The following PMEL variants were observed in gnomAD, a reference collection of about 807,000 sequenced individuals.
The protein encoded by PMEL is melanocyte protein PMEL.
In PMEL, 53 loss-of-function variants were observed where a neutral mutation model predicts 64.9. The observed-to-expected ratio is 0.82, with a 90% CI of 0.66 to 1.03. The LOEUF is 1.03. Among genes scored for constraint, PMEL ranks in the 50% least tolerant of loss-of-function variants. The probability of loss-of-function intolerance (pLI) is 0.00; values close to 1 mark genes in which losing one functional copy is unlikely to be tolerated. For synonymous variants in PMEL, 299 were observed against 316.2 expected (o/e 0.95, Z 0.58); for missense variants, 716 against 814.9 (o/e 0.88, Z 1.48).
At chr12:55,962,403 AT>A (rs1254465295) in intron 1 of PMEL, among the ~76,000 whole-genome samples, 1 of 126,322 alleles carries the variant, frequency 7.9e-6, no homozygotes, top group Non-Finnish European at 1.6e-5. Flanking sequence ...AGATTCTGAG[AT>A]TGCACCAGTG....
rs922635524 is a variant in PMEL at position 55,956,944 on chromosome 12, C to T, written c.1354+5G>A. ...CGTGAACCTCATTCGCACTGATACT[C>T]TTACCTGTAATACTTTCCGTAGACA... On this transcript the variant is annotated splice_donor_5th_base_variant and intron_variant, in intron 6 of 10. Transcript: ENST00000548747. The T allele has an allele frequency of 1.9e-6, 3 of 1,613,336 alleles. No homozygotes were observed. Among genetic ancestry groups the T allele is most frequent in the East Asian group, 4.5e-5 (2 of 44,890 alleles).
chr12:55,957,547 A>T lies in PMEL; in HGVS notation c.756T>A (p.Ala252=), dbSNP rs755792129. 6.2e-7 allele frequency: 1 copy of T among 1,613,118 alleles called. No individual in the cohort carries two copies. Among genetic ancestry groups the T allele is most frequent in the East Asian group, 2.2e-5 (1 of 44,846 alleles). Residue 252 remains alanine, a synonymous_variant, in exon 6 of 11, where the codon GCT becomes GCA. Transcript: ENST00000548747. Reference sequence around the variant, plus strand: ...CCCAGGTGTAGGAGAGGTCAGCTTCAGCCAGATAGCCACTGGGGTCATGGA... The same window carrying T: ...CCCAGGTGTAGGAGAGGTCAGCTTCTGCCAGATAGCCACTGGGGTCATGGA... ...LQLHDPSGYL[A]EADLSYTWDF... is the part of the protein sequence containing the mutation.
rs1170833059 is a variant in PMEL, at chr12:55,957,066, T to C, written c.1237A>G (p.Thr413Ala). The change falls in exon 6 of 11, where the codon ACC becomes GCC. Residue 413 changes from threonine (T) to alanine (A), a missense_variant. Coordinates refer to ENST00000548747, the MANE Select transcript of PMEL (RefSeq NM_001384361.1). ...GTAGTTGTTACCTGTGCAGCTGTGG[T>C]TCCAGAAAGCACCACAATTGATACC... ...AEVSIVVLSG[T>A]TAAQVTTTEW... The C allele has an allele frequency of 1.2e-6, 2 of 1,614,220 alleles. No individual in the cohort carries two copies. Among genetic ancestry groups the C allele is most frequent in the African/African-American group, 1.3e-5 (1 of 75,036 alleles).
chr12:55,963,775 A>T (rs1889187780), intron 1 of PMEL, among the ~76,000 whole-genome samples: 1 of 152,182 alleles, frequency 6.6e-6, no homozygotes, highest in South Asian at 2.1e-4. Flanking sequence ...GACACTAAAC[A>T]TCTAGGGAGA....
rs528855850 is a variant in PMEL at position 55,955,342 on chromosome 12, C to T, written c.1782G>A (p.Gly594=). 3 of 1,614,062 alleles carry T rather than the reference C, an allele frequency of 1.9e-6. No individual in the cohort carries two copies. The highest frequency in any genetic ancestry group is 2.7e-5 in the African/African-American group (2 of 74,918). Residue 594 remains glycine, a synonymous_variant, in exon 10 of 11, where the codon GGG becomes GGA. Transcript: ENST00000548747. ...LIMPGQEAGL[G]QVPLIVGILL... is the part of the protein sequence containing the mutation. ...AGATGCCCACGATCAGCGGAACCTG[C>T]CCAAGGCCTGCTTCTTGACCTGTGA...
chr12:55,964,198 G>A (rs1889204189), intron 1 of PMEL, among the ~76,000 whole-genome samples: 1 of 149,396 alleles, frequency 6.7e-6, no homozygotes, highest in African/African-American at 2.5e-5. Flanking sequence ...TGTTGCCCAG[G>A]CTGGAAGGCT....
chr12:55,966,605 C>T, upstream of PMEL: 1 of 887,088 alleles, frequency 1.1e-6, no homozygotes, highest in Non-Finnish European at 1.4e-6. Context: ...GGACCCAAAG[C>T]AGGTACTTGG....
chr12:55,956,793 G>A (rs955232725), intron 6 of PMEL, among the ~76,000 whole-genome samples, 156 bp downstream of exon 6: 1 of 152,180 alleles, frequency 6.6e-6, no homozygotes. Flanking sequence ...ATGTCATTAA[G>A]AGAGACTGGA....
Position 55,957,624 on chromosome 12 carries a change from C to T in PMEL, c.679G>A (p.Gly227Arg). ...TTTCTCAGGAAGTGCTTGTTCCCTC[C>T]ATCCAAGGCCCGCAACTGGGACACG... Reference protein sequence around the residue: ...VSVSQLRALDGGNKHFLRNQP... With the variant: ...VSVSQLRALDRGNKHFLRNQP... The change falls in exon 6 of 11, where the codon GGA (glycine) becomes AGA (arginine). Residue 227 changes from glycine to arginine, a missense_variant. Coordinates refer to ENST00000548747, the MANE Select transcript of PMEL (RefSeq NM_001384361.1). The T allele has an allele frequency of 6.2e-7, 1 of 1,613,136 alleles. No homozygotes were observed. Among genetic ancestry groups the T allele is most frequent in the African/African-American group, 1.3e-5 (1 of 74,792 alleles).
chr12:55,957,200 G>T lies in PMEL; in HGVS notation c.1103C>A (p.Thr368Asn). 1.2e-6 allele frequency: 2 copies of T among 1,614,212 alleles called. No homozygotes were observed. The highest frequency in any genetic ancestry group is 1.7e-6 in the Non-Finnish European group (2 of 1,180,026). The change falls in exon 6 of 11, where the codon ACT (threonine) becomes AAT (asparagine). Residue 368 changes from threonine to asparagine, a missense_variant. Physicochemically the swap from Thr to Asn is moderately conservative, Grantham distance 65 (BLOSUM62 0). Coordinates refer to ENST00000548747, the MANE Select transcript of PMEL (RefSeq NM_001384361.1). ...VISTAPVQMPTAESTGMTPEK... is the reference protein window; with the variant it reads ...VISTAPVQMPNAESTGMTPEK... ...AGGTGTCATACCTGTGCTCTCTGCAGTTGGCATCTGCACAGGTGCAGTGCT... is the reference window on the plus strand; with the variant it reads ...AGGTGTCATACCTGTGCTCTCTGCATTTGGCATCTGCACAGGTGCAGTGCT...
rs1365628859 is a variant in PMEL, at chr12:55,957,523, C to T, written c.780G>A (p.Trp260Ter). 2 of 1,613,908 alleles carry T rather than the reference C, an allele frequency of 1.2e-6. No homozygotes were observed. Among genetic ancestry groups the T allele is most frequent in the Non-Finnish European group, 1.7e-6 (2 of 1,179,998 alleles). The change falls in exon 6 of 11, where the codon TGG becomes TGA. Residue 260 changes from tryptophan to a stop codon, truncating the protein, a stop_gained. Coordinates refer to ENST00000548747, the MANE Select transcript of PMEL (RefSeq NM_001384361.1). LOFTEE classifies it high-confidence loss of function. ...YLAEADLSYT[W>*]DFGDSSGTLI... The stretch of plus-strand genomic sequence containing the variant: ...GGGTTCCACTACTGTCTCCAAAGTC[C>T]CAGGTGTAGGAGAGGTCAGCTTCAG...
intron 1 of PMEL, among the ~76,000 whole-genome samples, chr12:55,963,090 G>C (rs1412053764): frequency 1.1e-4 from 17 of 151,782 alleles, no homozygotes; most frequent in Non-Finnish European, 2.1e-4. Context: ...CCAGGAGGCG[G>C]AGGTGGCAGT....
chr12:55,957,167 AC>A lies in PMEL; in HGVS notation c.1135del (p.Val379CysfsTer22). On this transcript the variant is annotated frameshift_variant, in exon 6 of 11. Transcript: ENST00000548747. LOFTEE classifies it high-confidence loss of function. The stretch of plus-strand genomic sequence containing the variant: ...GGTACCCATGACCTCTGAAACTGGC[AC>A]CTTCTCAGGTGTCATACCTGTGCTC... ...AESTGMTPEKVPVSEVMGTTL... is the reference protein window; with the variant it reads ...AESTGMTPEKXPVSEVMGTTL... 1.9e-6 allele frequency: 3 copies of A among 1,614,172 alleles called. No individual in the cohort carries two copies. The highest frequency in any genetic ancestry group is 2.5e-6 in the Non-Finnish European group (3 of 1,180,022).
chr12:55,954,353 A>T lies in PMEL; in HGVS notation c.1851-4T>A, dbSNP rs1484844399. Reference sequence around the variant, plus strand: ...GTCTTGCTTCATAAGTCTGCGCCTGATATTGGGAGAAGGGGTAAACTGGTT... The same window carrying T: ...GTCTTGCTTCATAAGTCTGCGCCTGTTATTGGGAGAAGGGGTAAACTGGTT... On this transcript the variant is annotated splice_region_variant and splice_polypyrimidine_tract_variant and intron_variant, in intron 10 of 10. Coordinates refer to ENST00000548747, the MANE Select transcript of PMEL (RefSeq NM_001384361.1). 1 of 1,613,986 alleles carries T rather than the reference A, an allele frequency of 6.2e-7. No individual in the cohort carries two copies. Among genetic ancestry groups the T allele is most frequent in the Non-Finnish European group, 8.5e-7 (1 of 1,179,950 alleles).
intron 2 of PMEL, 24 bp downstream of exon 2, chr12:55,961,598 C>T (rs761539404): frequency 5.6e-6 from 9 of 1,601,896 alleles, no homozygotes; most frequent in Admixed American, 1.7e-5. Flanking sequence ...ACCATGCCCT[C>T]CCCTGGAACT....
intron 1 of PMEL, among the ~76,000 whole-genome samples, chr12:55,965,346 T>G (rs1889254994): frequency 6.6e-6 from 1 of 152,004 alleles, no homozygotes; most frequent in South Asian, 2.1e-4. Flanking sequence ...CCATTCTTTC[T>G]CCACTTCCAA....
intron 9 of PMEL, 21 bp from the exon 10 acceptor site, chr12:55,955,382 A>T: frequency 6.2e-7 from 1 of 1,613,904 alleles, no homozygotes; most frequent in Non-Finnish European, 8.5e-7. Flanking sequence ...AATCCCAGGC[A>T]CTGCTTCACT....
At chr12:55,965,913 C>T (rs757593729) in intron 1 of PMEL, 23 bp downstream of exon 1, 15 of 1,614,150 alleles carry the variant, frequency 9.3e-6, no homozygotes, top group African/African-American at 1.3e-5. Flanking sequence ...CACACCTGCT[C>T]ATGTCCACAT....
chr12:55,957,537 G>T lies in PMEL; in HGVS notation c.766C>A (p.Leu256Ile), dbSNP rs904211185. 1 of 1,613,348 alleles carries T rather than the reference G, an allele frequency of 6.2e-7. No individual in the cohort carries two copies. Among genetic ancestry groups the T allele is most frequent in the African/African-American group, 1.3e-5 (1 of 74,804 alleles). ...TCTCCAAAGTCCCAGGTGTAGGAGA[G>T]GTCAGCTTCAGCCAGATAGCCACTG... ...DPSGYLAEADLSYTWDFGDSS... is the reference protein window; with the variant it reads ...DPSGYLAEADISYTWDFGDSS... The change falls in exon 6 of 11, where the codon CTC becomes ATC. Residue 256 changes from leucine to isoleucine, a missense_variant. Physicochemically the swap from Leu to Ile is conservative, Grantham distance 5 (BLOSUM62 2). Coordinates refer to ENST00000548747, the MANE Select transcript of PMEL (RefSeq NM_001384361.1).
Sources: gnomAD v4.1 joint callset for allele counts (sites outside exome capture counted in the v4.1 genomes callset) on GRCh38, gnomAD v4.1.1 for gene constraint, MANE v1.5 for transcripts, NCBI Gene and HGNC (gene_info 2026-07-23, HGNC 2026-07-21) for gene names.